The following FAM168B variants were observed in gnomAD, a reference collection of about 807,000 sequenced individuals.
FAM168B encodes family with sequence similarity 168 member B.
A neutral mutation model predicts 21.8 loss-of-function variants in FAM168B; 19 were observed. The observed-to-expected ratio is 0.87, with a 90% confidence interval of 0.61 to 1.28. The LOEUF (loss-of-function observed/expected upper bound fraction) is 1.28, where lower values mean the gene tolerates loss of function less well. FAM168B is among the 50% of genes most tolerant of loss of function. FAM168B has a pLI of 0.00. For synonymous variants in FAM168B, 126 were observed against 104.8 expected (o/e 1.20, Z -1.24); for missense variants, 233 against 263.1 (o/e 0.89, Z 0.79).
intron 3 of FAM168B, among the ~76,000 whole-genome samples, chr2:131,061,929 A>C (rs2105485347): frequency 6.6e-6 from 1 of 152,368 alleles, no homozygotes; most frequent in South Asian, 2.1e-4. Flanking sequence ...AAAAAAGTTA[A>C]ACTATGCCAC....
intron 1 of FAM168B, among the ~76,000 whole-genome samples, chr2:131,090,314 T>G (rs1055143247): frequency 7.4e-5 from 10 of 134,938 alleles, no homozygotes; most frequent in Non-Finnish European, 1.2e-4. Context: ...GCGAGACTCT[T>G]GTCTCAAAAA....
At chr2:131,088,412 G>C (rs1347235123) in intron 1 of FAM168B, among the ~76,000 whole-genome samples, 2 of 151,998 alleles carry the variant, frequency 1.3e-5, no homozygotes, top group African/African-American at 4.8e-5. Context: ...AGGCAATGGT[G>C]GGGGGAAAAG....
intron 2 of FAM168B, among the ~76,000 whole-genome samples, chr2:131,076,339 C>T (rs1014845837): frequency 6.6e-6 from 1 of 152,158 alleles, no homozygotes; most frequent in South Asian, 2.1e-4. Context: ...GGCACCAGAG[C>T]GATCCCAAAC....
At position 131,049,678 on chromosome 2, in the gene FAM168B, T is replaced by C. The variant is rs1393419963; in HGVS notation, c.*2787A>G. 3 of 985,714 alleles carry C rather than the reference T, an allele frequency of 3.0e-6. No individual in the cohort carries two copies. Among genetic ancestry groups the C allele is most frequent in the Admixed American group, 6.1e-5 (1 of 16,272 alleles). The allele number at this position is 985,714 out of a possible 1,614,324, so 61.1% of individuals were successfully genotyped here. ...AAATAGCCATCATGATGTCCATGTT[T>C]ACATGAACTAGGTCCTTTGCTTACC... On this transcript the variant is annotated 3_prime_UTR_variant, in exon 7 of 7. Coordinates refer to ENST00000389915, the MANE Select transcript of FAM168B (RefSeq NM_001009993.4).
intron 3 of FAM168B, among the ~76,000 whole-genome samples, chr2:131,059,072 C>T (rs1692169246): frequency 6.6e-6 from 1 of 152,142 alleles, no homozygotes; most frequent in Non-Finnish European, 1.5e-5. Context: ...GTGGCGGGCA[C>T]ACATGTGACT....
At chr2:131,069,482 A>G (rs1692746171) in intron 3 of FAM168B, among the ~76,000 whole-genome samples, 1 of 152,122 alleles carries the variant, frequency 6.6e-6, no homozygotes, top group South Asian at 2.1e-4. Context: ...TAGGTTACAC[A>G]GGTTTCTTTC....
At chr2:131,068,949 G>C (rs140042259) in intron 3 of FAM168B, among the ~76,000 whole-genome samples, 1 of 152,158 alleles carries the variant, frequency 6.6e-6, no homozygotes. Context: ...CTGAAAAGTC[G>C]AGGCTGCAGT....
chr2:131,092,490 G>A (rs948366909), intron 1 of FAM168B, among the ~76,000 whole-genome samples: 7 of 152,190 alleles, frequency 4.6e-5, no homozygotes, highest in African/African-American at 2.4e-5. Context: ...TGACCTGAAA[G>A]TTTAAGGAGT....
intron 3 of FAM168B, among the ~76,000 whole-genome samples, chr2:131,067,824 T>C (rs970300872): frequency 6.6e-6 from 1 of 152,150 alleles, no homozygotes. Context: ...TTAAATTTTT[T>C]ATACTGATAA....
chr2:131,072,678 C>T (rs1475240737), intron 2 of FAM168B, among the ~76,000 whole-genome samples: 1 of 151,692 alleles, frequency 6.6e-6, no homozygotes, highest in Non-Finnish European at 1.5e-5. Flanking sequence ...AGGCTGGTCT[C>T]GAACTCCTGA....
intron 1 of FAM168B, among the ~76,000 whole-genome samples, chr2:131,085,558 C>T (rs1558997372): frequency 1.3e-5 from 2 of 152,206 alleles, no homozygotes; most frequent in African/African-American, 4.8e-5. Context: ...ATTTTCAGCT[C>T]ATTTGTCTCA....
chr2:131,054,236 TA>T (rs879882436), intron 5 of FAM168B, among the ~76,000 whole-genome samples: 1,993 of 136,220 alleles, frequency 0.015, 17 homozygotes, highest in African/African-American at 0.035. Context: ...ATTTTAAAAT[TA>T]AAAAAAAAAA....
chr2:131,070,859 AGGC>A (rs1316606116), intron 3 of FAM168B, among the ~76,000 whole-genome samples: 1 of 152,238 alleles, frequency 6.6e-6, no homozygotes, highest in Non-Finnish European at 1.5e-5. Context: ...TCGAGACTCT[AGGC>A]ATAACTGTGT....
Position 131,055,715 on chromosome 2 carries a change from G to T in FAM168B, c.155-20C>A. The T allele has an allele frequency of 6.2e-7, 1 of 1,611,876 alleles. No individual in the cohort carries two copies. Among genetic ancestry groups the T allele is most frequent in the Middle Eastern group, 1.7e-4 (1 of 5,890 alleles). ...TGTAACCTGGAACAAAGAAGGCAAT[G>T]GCCTGAGTTCACCCAAGCCGGTCCA... On this transcript the variant is annotated intron_variant, in intron 3 of 6. Coordinates refer to ENST00000389915, the MANE Select transcript of FAM168B (RefSeq NM_001009993.4).
At position 131,049,646 on chromosome 2, in the gene FAM168B, A is replaced by AT. The variant is rs1691527906; in HGVS notation, c.*2818dup. 1.0e-6 allele frequency: 1 copy of AT among 985,530 alleles called. No individual in the cohort carries two copies. Among genetic ancestry groups the AT allele is most frequent in the South Asian group, 4.7e-5 (1 of 21,288 alleles). The allele number at this position is 985,530 out of a possible 1,614,324, so 61.0% of individuals were successfully genotyped here. On this transcript the variant is annotated 3_prime_UTR_variant, in exon 7 of 7. Transcript: ENST00000389915. ...TCAGGGGAGAAGGTGTAGAACAAAT[A>AT]TTTTTTAAATAGCCATCATGATGTC...
At chr2:131,087,698 G>A (rs1457629090) in intron 1 of FAM168B, among the ~76,000 whole-genome samples, 1 of 152,182 alleles carries the variant, frequency 6.6e-6, no homozygotes, top group East Asian at 1.9e-4. Context: ...CCTGAGTGGA[G>A]ATGTCCTCTG....
intron 2 of FAM168B, among the ~76,000 whole-genome samples, chr2:131,072,638 T>C (rs1359233796): frequency 2.0e-5 from 3 of 151,782 alleles, no homozygotes; most frequent in Non-Finnish European, 4.4e-5. Flanking sequence ...TTTGTATTTT[T>C]AGTAGAGACA....
In FAM168B at chr2:131,049,158, G is replaced by GT. The variant is rs1402783382; in HGVS notation, c.*3306dup. 2 of 985,266 alleles carry GT rather than the reference G, an allele frequency of 2.0e-6. No individual in the cohort carries two copies. Among genetic ancestry groups the GT allele is most frequent in the South Asian group, 4.7e-5 (1 of 21,280 alleles). The allele number at this position is 985,266 out of a possible 1,614,324, so 61.0% of individuals were successfully genotyped here. A position where few individuals can be genotyped will look rare whatever the true frequency, so the allele number is the denominator to read the frequency against. ...GTACGTCGCAAGTTGCTGTAATAAT[G>GT]TATTTCCTCTCGTTACTGTTGTGTC... On this transcript the variant is annotated 3_prime_UTR_variant, in exon 7 of 7. Coordinates refer to ENST00000389915, the MANE Select transcript of FAM168B (RefSeq NM_001009993.4).
At chr2:131,091,077 T>G (rs1693995818) in intron 1 of FAM168B, among the ~76,000 whole-genome samples, 5 of 152,352 alleles carry the variant, frequency 3.3e-5, no homozygotes, top group Admixed American at 3.3e-4. Context: ...CTCACGCCTG[T>G]AATCCCAGCA....
Sources: gnomAD v4.1 joint callset for allele counts (sites outside exome capture counted in the v4.1 genomes callset) on GRCh38, gnomAD v4.1.1 for gene constraint, MANE v1.5 for transcripts, NCBI Gene and HGNC (gene_info 2026-07-23, HGNC 2026-07-21) for gene names.